The following PDGFD variants were observed in gnomAD, a reference collection of about 807,000 sequenced individuals.
The protein encoded by PDGFD is platelet derived growth factor D, also known as platelet-derived growth factor D.
PDGFD carries 30 observed loss-of-function variants against 44.7 expected under a neutral mutation model. The observed-to-expected ratio is 0.67, with a 90% confidence interval of 0.50 to 0.91. The LOEUF (loss-of-function observed/expected upper bound fraction) is 0.91. PDGFD is among the 40% of genes least tolerant of loss of function. The pLI, the probability that PDGFD is intolerant of heterozygous loss-of-function variation, is 0.00. For missense variants in PDGFD, 445 were observed against 457.8 expected (o/e 0.97, Z 0.25); for synonymous variants, 173 against 168.4 (o/e 1.03, Z -0.21).
chr11:104,112,887 G>T (rs1310910940), intron 1 of PDGFD, among the ~76,000 whole-genome samples: 1 of 152,084 alleles, frequency 6.6e-6, no homozygotes, highest in African/African-American at 2.4e-5. Context: ...GAGGGTGGAA[G>T]GGTGGGAGAA....
intron 6 of PDGFD, 25 bp downstream of exon 6, chr11:103,926,887 A>G (rs1358684304): frequency 6.3e-7 from 1 of 1,599,264 alleles, no homozygotes; most frequent in Admixed American, 1.7e-5. Context: ...TAAGCATTGC[A>G]ACAAGAAATC....
At chr11:104,162,461 A>T (rs550097435) in intron 1 of PDGFD, among the ~76,000 whole-genome samples, 3 of 152,154 alleles carry the variant, frequency 2.0e-5, no homozygotes, top group Non-Finnish European at 2.9e-5. Flanking sequence ...GTGTAGTAAA[A>T]AAATAAATAA....
chr11:104,046,919 T>G (rs923120734), intron 1 of PDGFD, among the ~76,000 whole-genome samples: 1 of 146,206 alleles, frequency 6.8e-6, no homozygotes, highest in Admixed American at 6.9e-5. Flanking sequence ...GGCTCCAGTG[T>G]ATGATGTTCC....
At chr11:104,137,728 CTTTTTTTTT>C (rs5794295) in intron 1 of PDGFD, among the ~76,000 whole-genome samples, 21 of 76,618 alleles carry the variant, frequency 2.7e-4, no homozygotes, top group African/African-American at 9.9e-4. Context: ...TAGATCACCA[CTTTTTTTTT>C]TTTTTTTTTT....
rs572641424 is a variant in PDGFD, at chr11:104,105,799, T to C, written c.124+58005A>G. On this transcript the variant is annotated intron_variant, in intron 1 of 6. Transcript: ENST00000393158. ...CCATGTAAAATAATTCCTGGAAATT[T>C]TTGAAAGTTTTGCTGGAAAACTTTT... 3.3e-5 allele frequency among the ~76,000 whole-genome samples: 5 copies of C among 152,226 alleles called. No individual in the cohort carries two copies. The South Asian group carries it at 1.0e-3, about 32-fold the overall frequency.
At chr11:103,989,974 C>A (rs1183326402) in intron 3 of PDGFD, among the ~76,000 whole-genome samples, 2 of 152,020 alleles carry the variant, frequency 1.3e-5, no homozygotes, top group Non-Finnish European at 2.9e-5. Flanking sequence ...ATAATAGTAT[C>A]TAACCCTTTG....
intron 1 of PDGFD, among the ~76,000 whole-genome samples, chr11:104,159,863 G>A (rs1198041351): frequency 6.6e-6 from 1 of 152,052 alleles, no homozygotes; most frequent in African/African-American, 2.4e-5. Flanking sequence ...ACAGACACCT[G>A]GCTAAACCCT....
In PDGFD at chr11:103,921,399, G is replaced by A. The variant is rs482448; in HGVS notation, c.987+5513C>T. On this transcript the variant is annotated intron_variant, in intron 6 of 6. Coordinates refer to ENST00000393158, the MANE Select transcript of PDGFD (RefSeq NM_025208.5). ...TTTAGGTACTTTTTTTTCAATAACA[G>A]ACGTTTCAAACATGTAAAAACAAAG... is the stretch of plus-strand genomic sequence containing the variant. Among the ~76,000 whole-genome samples, 203 of 151,700 alleles carry A rather than the reference G, an allele frequency of 1.3e-3. 1 individual carries two copies. The highest frequency in any genetic ancestry group is 4.6e-3 in the African/African-American group (192 of 41,336).
At chr11:104,100,982 C>T (rs997390413) in intron 1 of PDGFD, among the ~76,000 whole-genome samples, 4 of 152,080 alleles carry the variant, frequency 2.6e-5, no homozygotes, top group African/African-American at 4.8e-5. Context: ...ATGACAAACC[C>T]ACAGCCAATA....
chr11:104,045,769 T>C (rs1860431811), intron 1 of PDGFD, among the ~76,000 whole-genome samples: 1 of 146,942 alleles, frequency 6.8e-6, no homozygotes, highest in African/African-American at 2.5e-5. Flanking sequence ...CATGGAGCTA[T>C]TGAAGGTCAA....
intron 1 of PDGFD, among the ~76,000 whole-genome samples, chr11:104,132,424 G>C (rs979640068): frequency 6.6e-6 from 1 of 151,926 alleles, no homozygotes; most frequent in African/African-American, 2.4e-5. Flanking sequence ...TCTATAGTTG[G>C]AAACAAAATT....
At chr11:103,958,195 C>T (rs1336782929) in intron 3 of PDGFD, among the ~76,000 whole-genome samples, 4 of 152,132 alleles carry the variant, frequency 2.6e-5, no homozygotes, top group African/African-American at 9.7e-5. Flanking sequence ...GATGAGGAAG[C>T]AGAAAGACAG....
intron 1 of PDGFD, among the ~76,000 whole-genome samples, chr11:104,107,912 C>T (rs575620276): frequency 5.3e-5 from 8 of 152,134 alleles, no homozygotes; most frequent in Non-Finnish European, 1.2e-4. Context: ...ATAATTACTA[C>T]CATCATTAAT....
intron 1 of PDGFD, among the ~76,000 whole-genome samples, chr11:104,143,477 C>T (rs556356712): frequency 9.9e-5 from 15 of 152,222 alleles, no homozygotes; most frequent in Middle Eastern, 3.4e-3. Flanking sequence ...ACCTGGCAGC[C>T]GAAGGTCTGG....
At chr11:104,147,329 T>C (rs116752898) in intron 1 of PDGFD, among the ~76,000 whole-genome samples, 2,162 of 152,254 alleles carry the variant, frequency 0.014, 45 homozygotes, top group African/African-American at 0.047. Context: ...TCATTATATA[T>C]GAGCCTGTCA....
chr11:104,124,136 A>G (rs1565342345), intron 1 of PDGFD, among the ~76,000 whole-genome samples: 1 of 152,070 alleles, frequency 6.6e-6, no homozygotes, highest in Non-Finnish European at 1.5e-5. Flanking sequence ...TGCAAGGATG[A>G]GTACAAATGA....
At chr11:104,037,046 T>C (rs745421003) in intron 1 of PDGFD, 3 of 1,614,122 alleles carry the variant, frequency 1.9e-6, no homozygotes, top group African/African-American at 1.3e-5. Context: ...GTGGTTTTAC[T>C]GCAGAAGGAC....
chr11:103,914,899 C>A (rs146547034), intron 6 of PDGFD, among the ~76,000 whole-genome samples: 1 of 152,212 alleles, frequency 6.6e-6, no homozygotes, highest in South Asian at 2.1e-4. Flanking sequence ...ATTCAACAGC[C>A]CTTCATGCTA....
At chr11:104,099,945 A>G (rs1026078192) in intron 1 of PDGFD, among the ~76,000 whole-genome samples, 14 of 152,148 alleles carry the variant, frequency 9.2e-5, no homozygotes, top group Admixed American at 8.5e-4. Flanking sequence ...GTATATTTTG[A>G]ATACCACACT....
Sources: allele counts gnomAD v4.1 joint callset (sites outside exome capture counted in the v4.1 genomes callset), GRCh38; gene constraint gnomAD v4.1.1; transcripts MANE v1.5; gene names NCBI Gene and HGNC (gene_info 2026-07-23, HGNC 2026-07-21).